Variants in CNTN4 observed in about 807,000 individuals in gnomAD.
CNTN4 encodes contactin 4, also known as contactin-4.
A neutral mutation model predicts 122.5 loss-of-function variants in CNTN4; 77 were observed. The ratio of observed to expected loss-of-function variants is 0.63; its 90% CI spans 0.52 to 0.76. CNTN4 has a LOEUF of 0.76. Among genes scored for constraint, CNTN4 ranks in the 30% least tolerant of loss-of-function variants. The probability of loss-of-function intolerance (pLI) is 0.00; values close to 1 mark genes in which losing one functional copy is unlikely to be tolerated. For synonymous variants in CNTN4, 512 were observed against 447.0 expected (o/e 1.15, Z -1.83); for missense variants, 1,256 against 1,259.1 (o/e 1.00, Z 0.04).
chr3:2,942,260 A>G (rs186698904), intron 13 of CNTN4, among the ~76,000 whole-genome samples: 189 of 152,342 alleles, frequency 1.2e-3, no homozygotes, highest in Non-Finnish European at 2.0e-3. Context: ...TAAGTAATTT[A>G]GGGAGTTGGA....
intron 7 of CNTN4, among the ~76,000 whole-genome samples, chr3:2,850,749 A>G (rs1256934451): frequency 6.6e-6 from 1 of 152,260 alleles, no homozygotes; most frequent in Admixed American, 6.5e-5. Context: ...GCGAACCTGT[A>G]GAAATAGATT....
At chr3:2,134,246 T>C (rs979266745) in intron 2 of CNTN4, among the ~76,000 whole-genome samples, 2 of 152,232 alleles carry the variant, frequency 1.3e-5, no homozygotes, top group Non-Finnish European at 2.9e-5. Flanking sequence ...TGAAACTTTT[T>C]ATTAATAAAG....
chr3:2,515,084 C>T (rs999288703), intron 3 of CNTN4, among the ~76,000 whole-genome samples: 6 of 152,064 alleles, frequency 3.9e-5, no homozygotes, highest in Admixed American at 2.0e-4. Flanking sequence ...GGATTGTCTG[C>T]TCATTTGCAT....
chr3:2,586,745 A>G (rs1269713866), intron 4 of CNTN4, among the ~76,000 whole-genome samples: 1 of 152,142 alleles, frequency 6.6e-6, no homozygotes, highest in Non-Finnish European at 1.5e-5. Context: ...AACTGTGTAG[A>G]TGTCATTTCC....
At chr3:2,955,191 T>C (rs191288675) in intron 13 of CNTN4, among the ~76,000 whole-genome samples, 1 of 152,300 alleles carries the variant, frequency 6.6e-6, no homozygotes, top group East Asian at 1.9e-4. Context: ...ATCTTACAGT[T>C]GAACTTTAAA....
intron 13 of CNTN4, among the ~76,000 whole-genome samples, chr3:2,961,636 C>T (rs1345401093): frequency 1.3e-5 from 2 of 152,170 alleles, no homozygotes; most frequent in South Asian, 4.1e-4. Context: ...CTGAACCAGA[C>T]CACCTTGTTA....
chr3:2,773,784 G>A (rs1393618368), intron 6 of CNTN4, among the ~76,000 whole-genome samples: 1 of 8,962 alleles, frequency 1.1e-4, no homozygotes, highest in South Asian at 2.2e-3. Flanking sequence ...TTTTTGAGAC[G>A]GAGTCTCCCT....
chr3:2,236,734 T>A (rs2039694871), intron 2 of CNTN4, among the ~76,000 whole-genome samples: 1 of 152,190 alleles, frequency 6.6e-6, no homozygotes, highest in Non-Finnish European at 1.5e-5. Flanking sequence ...CACTCACTAA[T>A]ACCTATTGGA....
intron 2 of CNTN4, among the ~76,000 whole-genome samples, chr3:2,106,477 C>A (rs2032452318): frequency 6.6e-6 from 1 of 152,230 alleles, no homozygotes; most frequent in Non-Finnish European, 1.5e-5. Context: ...AGGACGAACA[C>A]CATGTGGAAG....
chr3:2,203,513 T>C (rs1300853068), intron 2 of CNTN4, among the ~76,000 whole-genome samples: 1 of 152,104 alleles, frequency 6.6e-6, no homozygotes, highest in Non-Finnish European at 1.5e-5. Context: ...GAGCATGTTA[T>C]ATATACCTGG....
rs572028170 is a variant in CNTN4 at position 2,398,839 on chromosome 3, G to C, written c.-89+59606G>C. On this transcript the variant is annotated intron_variant, in intron 3 of 24. Transcript: ENST00000418658. ...CCTTTCAATTTTGCTAACTTATTTTGATCTCCTGCCTTCAGTTTTACCAGA... is the reference window on the plus strand; with the variant it reads ...CCTTTCAATTTTGCTAACTTATTTTCATCTCCTGCCTTCAGTTTTACCAGA... 7.6e-4 allele frequency among the ~76,000 whole-genome samples: 115 copies of C among 152,144 alleles called. 1 individual carries two copies. The Middle Eastern group carries it at 0.017, about 22-fold the overall frequency.
intron 2 of CNTN4, among the ~76,000 whole-genome samples, chr3:2,183,558 G>A (rs2037115897): frequency 6.6e-6 from 1 of 152,096 alleles, no homozygotes. Flanking sequence ...TCTATAAGTA[G>A]ATTCATTGTT....
intron 2 of CNTN4, among the ~76,000 whole-genome samples, chr3:2,224,114 G>C (rs78224432): frequency 1.9e-3 from 288 of 152,278 alleles, no homozygotes; most frequent in African/African-American, 6.8e-3. Flanking sequence ...ATAGATTTAA[G>C]TTTCTTTTAC....
chr3:2,261,480 G>T (rs1169240881), intron 2 of CNTN4, among the ~76,000 whole-genome samples: 1 of 152,116 alleles, frequency 6.6e-6, no homozygotes, highest in Non-Finnish European at 1.5e-5. Context: ...GATAGGCTTT[G>T]GTGATGGGGC....
chr3:2,753,326 T>C (rs1263099025), intron 6 of CNTN4, among the ~76,000 whole-genome samples: 1 of 152,218 alleles, frequency 6.6e-6, no homozygotes, highest in Non-Finnish European at 1.5e-5. Flanking sequence ...AATCCATTAA[T>C]AATTGTTAAA....
chr3:2,687,842 A>G (rs554967522), intron 4 of CNTN4, among the ~76,000 whole-genome samples: 2 of 152,244 alleles, frequency 1.3e-5, no homozygotes, highest in South Asian at 4.2e-4. Flanking sequence ...TTATTTATTC[A>G]TTTTACAAAT....
intron 21 of CNTN4, 25 bp downstream of exon 21, chr3:3,042,447 G>T (rs1192738643): frequency 1.4e-6 from 2 of 1,446,750 alleles, no homozygotes; most frequent in Non-Finnish European, 1.9e-6. Context: ...TGTGCCTTGG[G>T]TCTGAAAGAG....
chr3:2,915,946 T>C (rs527744679), intron 12 of CNTN4, among the ~76,000 whole-genome samples: 1 of 152,326 alleles, frequency 6.6e-6, no homozygotes, highest in East Asian at 1.9e-4. Flanking sequence ...AAATACTTCA[T>C]GATTCCACTT....
intron 8 of CNTN4, among the ~76,000 whole-genome samples, chr3:2,867,192 G>A (rs1229267366): frequency 2.0e-5 from 3 of 152,166 alleles, no homozygotes; most frequent in Non-Finnish European, 4.4e-5. Flanking sequence ...GAGGATTTAG[G>A]TGAATATAAA....
Sources: gnomAD v4.1 joint callset for allele counts (sites outside exome capture counted in the v4.1 genomes callset) on GRCh38, gnomAD v4.1.1 for gene constraint, MANE v1.5 for transcripts, NCBI Gene and HGNC (gene_info 2026-07-23, HGNC 2026-07-21) for gene names.